The following KIF26B variants were observed in gnomAD, a reference collection of about 807,000 sequenced individuals.
The protein encoded by KIF26B is kinesin-like protein KIF26B.
Under a neutral mutation model 151.2 loss-of-function variants are expected in KIF26B, and 63 were observed. The observed-to-expected ratio is 0.42, with a 90% CI of 0.34 to 0.51. The LOEUF is 0.51. KIF26B is among the 20% of genes least tolerant of loss of function. The pLI is 0.07. For synonymous variants in KIF26B, 1,357 were observed against 1,262.1 expected, an observed-to-expected ratio of 1.08 and a Z score of -1.59; for missense variants, 2,813 against 2,913.6, an observed-to-expected ratio of 0.97 and a Z score of 0.79.
Position 245,686,224 on chromosome 1 carries a change from C to A in KIF26B, c.3241C>A (p.Pro1081Thr). 6.2e-7 allele frequency: 1 copy of A among 1,612,706 alleles called. No individual in the cohort carries two copies. Among genetic ancestry groups the A allele is most frequent in the Admixed American group, 1.7e-5 (1 of 60,028 alleles). ...CCTGTCCAAGACCTCGGAGTACAAG[C>A]CACCCAGCTCTCCTTCCCAGAGATG... is the stretch of plus-strand genomic sequence containing the variant. ...ASLSKTSEYK[P>T]PSSPSQRCKV... The change falls in exon 12 of 15, where the codon CCA becomes ACA. Residue 1081 changes from proline (P) to threonine (T), a missense_variant. This residue lies in a region of KIF26B where 2,060 missense variants were observed against 2,088.6 expected (regional missense o/e 0.99). Transcript: ENST00000407071. This position sits in a 1 kb window ranked among gnomAD's most constrained non-coding sequence, Gnocchi z 5.6.
intron 10 of KIF26B, chr1:245,676,260 G>A (rs1203631047): frequency 3.3e-5 from 5 of 152,324 alleles, no homozygotes; most frequent in Non-Finnish European, 7.3e-5. Context: ...ACTTAAGAAT[G>A]AGAATATCTG....
chr1:245,412,419 G>A (rs542311317), intron 3 of KIF26B, among the ~76,000 whole-genome samples: 10 of 152,182 alleles, frequency 6.6e-5, no homozygotes, highest in South Asian at 2.1e-4. Flanking sequence ...CACAGGAAAC[G>A]GATACTGTTT....
rs1004983665 is a variant in KIF26B, at chr1:245,597,006, C to A, written c.1351-5571C>A. Among the ~76,000 whole-genome samples the A allele has an allele frequency of 6.6e-6, 1 of 152,106 alleles. No homozygotes were observed. Among genetic ancestry groups the A allele is most frequent in the African/African-American group, 2.4e-5 (1 of 41,410 alleles). On this transcript the variant is annotated intron_variant, in intron 5 of 14. Transcript: ENST00000407071. This position sits in a 1 kb window ranked among gnomAD's most constrained non-coding sequence, Gnocchi z 4.6. Reference sequence around the variant, plus strand: ...TTTGCTTGGTAAATCTTCCTCCATCCCTTTATTTTGAGGCTATGTGTGACT... The same window carrying A: ...TTTGCTTGGTAAATCTTCCTCCATCACTTTATTTTGAGGCTATGTGTGACT...
chr1:245,197,482 G>GT (rs1044222087), intron 2 of KIF26B, among the ~76,000 whole-genome samples: 4 of 151,612 alleles, frequency 2.6e-5, no homozygotes, highest in African/African-American at 4.8e-5. Context: ...TTATAACTTT[G>GT]TTTTTTTTAC....
chr1:245,367,025 C>T lies in KIF26B; in HGVS notation c.657C>T (p.Cys219=). 6.2e-7 allele frequency: 1 copy of T among 1,610,648 alleles called. No individual in the cohort carries two copies. Residue 219 remains cysteine, a synonymous_variant, in exon 3 of 15, where the codon TGC becomes TGT. Transcript: ENST00000407071. This position sits in a 1 kb window ranked among gnomAD's most constrained non-coding sequence, Gnocchi z 4.2. ...AGSEHYDASP[C]SPPPLSNIPT... ...GTGAGCACTACGACGCCTCGCCCTG[C>T]TCCCCGCCACCGCTCTCCAACATCC... is the stretch of plus-strand genomic sequence containing the variant.
At chr1:245,284,858 G>C (rs1271853437) in intron 2 of KIF26B, among the ~76,000 whole-genome samples, 1 of 151,966 alleles carries the variant, frequency 6.6e-6, no homozygotes, top group Non-Finnish European at 1.5e-5. Context: ...GACCAATATG[G>C]AGAAAACCCC....
chr1:245,675,891 T>C (rs146580218), intron 10 of KIF26B, among the ~76,000 whole-genome samples: 157 of 152,248 alleles, frequency 1.0e-3, no homozygotes, highest in African/African-American at 3.7e-3. Flanking sequence ...GGGTTAGAAG[T>C]TATTAAAAAG....
rs757870892 is a variant in KIF26B, at chr1:245,687,670, G to A, written c.4687G>A (p.Gly1563Arg). Residue 1563 changes from glycine (G) to arginine (R), a missense_variant, in exon 12 of 15, where the codon GGG (glycine) becomes AGG (arginine). Physicochemically the swap from Gly to Arg is moderately radical, Grantham distance 125 (BLOSUM62 -2). Around this residue, in one of 3 missense-constraint regions of KIF26B, gnomAD observed 2,060 missense variants for 2,088.6 expected, o/e 0.99. Coordinates refer to ENST00000407071, the MANE Select transcript of KIF26B (RefSeq NM_018012.4). This position sits in a 1 kb window ranked among gnomAD's most constrained non-coding sequence, Gnocchi z 4.9. ...LSYYCAAETN[G>R]VGAASGTPPS... is the part of the protein sequence containing the mutation. ...CTATTACTGCGCTGCTGAGACCAAC[G>A]GGGTGGGTGCAGCCTCGGGCACCCC... The A allele has an allele frequency of 2.5e-5, 39 of 1,577,544 alleles. No homozygotes were observed. The highest frequency in any genetic ancestry group is 2.9e-5 in the Non-Finnish European group (34 of 1,162,112).
intron 2 of KIF26B, among the ~76,000 whole-genome samples, chr1:245,157,370 T>C (rs576175858): frequency 2.6e-5 from 4 of 152,340 alleles, no homozygotes; most frequent in Non-Finnish European, 5.9e-5. Context: ...CCAAGTACTA[T>C]CAAATGATCA....
intron 2 of KIF26B, among the ~76,000 whole-genome samples, chr1:245,177,270 C>A (rs937100586): frequency 7.2e-5 from 11 of 152,176 alleles, no homozygotes. Context: ...CTGCACCTGT[C>A]CCATTCCCCC....
chr1:245,247,840 C>T (rs954834992), intron 2 of KIF26B, among the ~76,000 whole-genome samples: 39 of 152,302 alleles, frequency 2.6e-4, no homozygotes, highest in African/African-American at 8.2e-4. Flanking sequence ...ACTATTTTAT[C>T]GTGACATTCT....
intron 3 of KIF26B, among the ~76,000 whole-genome samples, chr1:245,382,796 G>A (rs1470224621): frequency 1.3e-5 from 2 of 151,938 alleles, no homozygotes; most frequent in South Asian, 2.1e-4. Context: ...TTGAACTCCC[G>A]ACCTCAGGTG....
intron 2 of KIF26B, among the ~76,000 whole-genome samples, chr1:245,359,727 G>A (rs968325684): frequency 1.8e-4 from 25 of 137,954 alleles, no homozygotes; most frequent in Admixed American, 5.4e-4. Context: ...CCTTCCTTCC[G>A]ATATGGGTTT....
At chr1:245,424,948 A>C (rs1658584293) in intron 4 of KIF26B, among the ~76,000 whole-genome samples, 1 of 152,002 alleles carries the variant, frequency 6.6e-6, no homozygotes, top group African/African-American at 2.4e-5. Flanking sequence ...TCGAGAAAAG[A>C]CACTGTTTCT....
At chr1:245,283,143 A>G (rs1262414943) in intron 2 of KIF26B, 2 of 161,636 alleles carry the variant, frequency 1.2e-5, no homozygotes, top group African/African-American at 4.8e-5. Flanking sequence ...ATCCCAGCCC[A>G]GAGGTCACTG....
chr1:245,341,896 C>T (rs1003706265), intron 2 of KIF26B, among the ~76,000 whole-genome samples: 3 of 152,236 alleles, frequency 2.0e-5, no homozygotes, highest in African/African-American at 7.2e-5. Flanking sequence ...GTTCCCGTGG[C>T]ACCATCTACG....
intron 3 of KIF26B, among the ~76,000 whole-genome samples, chr1:245,411,660 A>T (rs1449715078): frequency 6.6e-6 from 1 of 152,136 alleles, no homozygotes; most frequent in Admixed American, 6.5e-5. Context: ...TGACAAAGTG[A>T]CATCTGCTCC....
intron 2 of KIF26B, among the ~76,000 whole-genome samples, chr1:245,342,873 G>C (rs1454409779): frequency 6.6e-6 from 1 of 152,244 alleles, no homozygotes; most frequent in East Asian, 1.9e-4. Flanking sequence ...ATCGCCTGAG[G>C]TCAGGAGTTC....
intron 9 of KIF26B, among the ~76,000 whole-genome samples, chr1:245,624,062 C>T (rs1055706974): frequency 2.0e-5 from 3 of 152,032 alleles, no homozygotes; most frequent in Non-Finnish European, 4.4e-5. Flanking sequence ...GTGGTACTCT[C>T]CCCCCTGCTC....
Sources: allele counts gnomAD v4.1 joint callset (sites outside exome capture counted in the v4.1 genomes callset), GRCh38; gene constraint gnomAD v4.1.1; regional missense constraint gnomAD v4.1.1; non-coding constraint Gnocchi (gnomAD v3.1); transcripts MANE v1.5; gene names NCBI Gene and HGNC (gene_info 2026-07-23, HGNC 2026-07-21).